Variants in EYS observed in about 807,000 individuals in gnomAD.
EYS encodes protein eyes shut homolog.
EYS carries 250 observed loss-of-function variants against 282.1 expected under a neutral mutation model. The observed-to-expected ratio is 0.89, with a 90% CI of 0.80 to 0.98. The LOEUF is 0.98. Among genes scored for constraint, EYS ranks in the 50% least tolerant of loss-of-function variants. The pLI, the probability that EYS is intolerant of heterozygous loss-of-function variation, is 0.00. For missense variants in EYS, 4,016 were observed against 3,709.0 expected (o/e 1.08, Z -2.15); for synonymous variants, 1,355 against 1,282.9 (o/e 1.06, Z -1.20).
At chr6:65,158,331 G>T (rs1038473008) in intron 12 of EYS, among the ~76,000 whole-genome samples, 2 of 150,778 alleles carry the variant, frequency 1.3e-5, no homozygotes, top group Non-Finnish European at 3.0e-5. Flanking sequence ...TAGTTGGACT[G>T]AACAATTATG....
intron 16 of EYS, among the ~76,000 whole-genome samples, chr6:64,908,196 G>C (rs775279156): frequency 7.9e-5 from 12 of 152,080 alleles, no homozygotes; most frequent in Non-Finnish European, 1.8e-4. Context: ...TCAAGCTTTT[G>C]GGGGAGAGAG....
chr6:65,452,187 G>A (rs1764427733), intron 5 of EYS, among the ~76,000 whole-genome samples: 2 of 151,652 alleles, frequency 1.3e-5, no homozygotes, highest in South Asian at 4.2e-4. Context: ...CAAATAACTA[G>A]GGTATAATAA....
chr6:64,357,750 A>G (rs191486486), intron 29 of EYS, among the ~76,000 whole-genome samples: 1 of 151,698 alleles, frequency 6.6e-6, no homozygotes, highest in Non-Finnish European at 1.5e-5. Context: ...ATGCCCCTGT[A>G]GTGTGAAGTA....
Position 64,897,429 on chromosome 6 carries a change from C to T in EYS, c.2846+4684G>A, listed in dbSNP as rs920431069. Among the ~76,000 whole-genome samples the T allele has an allele frequency of 3.9e-5, 6 of 152,034 alleles. No individual in the cohort carries two copies. In the South Asian group the frequency reaches 6.2e-4, roughly 16 times the overall value. ...TCAACATCAACAGAAAAGACGAACA[C>T]GTGAAAACTCCCTCCGAAGGTTACC... On this transcript the variant is annotated intron_variant, in intron 18 of 42. Transcript: ENST00000503581.
intron 22 of EYS, among the ~76,000 whole-genome samples, chr6:64,633,052 T>C (rs1356523413): frequency 1.3e-5 from 2 of 152,170 alleles, no homozygotes; most frequent in East Asian, 1.9e-4. Context: ...GTGTTGTTTA[T>C]ATTATGTATC....
In EYS at chr6:64,054,655, A is replaced by T. The variant is rs79972850; in HGVS notation, c.6725+11683T>A. ...GCATGGTTAAATATAAGGGCTCTAG[A>T]GTAAAATGGCCTAGGTAGTAACCCT... On this transcript the variant is annotated intron_variant, in intron 33 of 42. Coordinates refer to ENST00000503581, the MANE Select transcript of EYS (RefSeq NM_001142800.2). Among the ~76,000 whole-genome samples the T allele has an allele frequency of 1.0e-3, 156 of 152,286 alleles. 3 individuals are homozygous for T. The East Asian group carries it at 0.027, about 27-fold the overall frequency.
At chr6:64,691,019 A>G (rs1770362131) in intron 22 of EYS, among the ~76,000 whole-genome samples, 1 of 152,048 alleles carries the variant, frequency 6.6e-6, no homozygotes, top group African/African-American at 2.4e-5. Context: ...AAAGTCATGC[A>G]TATATAATAT....
chr6:64,587,136 G>A, intron 26 of EYS, among the ~76,000 whole-genome samples: 1 of 152,036 alleles, frequency 6.6e-6, no homozygotes, highest in East Asian at 1.9e-4. Context: ...GCTGATAGAG[G>A]TGGCTCCACG....
At chr6:65,082,399 C>T (rs1774252888) in intron 12 of EYS, among the ~76,000 whole-genome samples, 1 of 151,930 alleles carries the variant, frequency 6.6e-6, no homozygotes, top group South Asian at 2.1e-4. Flanking sequence ...GCTTATTACT[C>T]CTCTGTAATA....
At chr6:65,191,346 A>G (rs1471529662) in intron 12 of EYS, among the ~76,000 whole-genome samples, 1 of 151,848 alleles carries the variant, frequency 6.6e-6, no homozygotes, top group Non-Finnish European at 1.5e-5. Flanking sequence ...GACCTAATGA[A>G]TATTGGTTTT....
At chr6:65,333,064 A>G (rs866952275) in intron 11 of EYS, among the ~76,000 whole-genome samples, 3 of 151,060 alleles carry the variant, frequency 2.0e-5, no homozygotes, top group South Asian at 4.2e-4. Context: ...TCTATATTTT[A>G]TTTTATTAAT....
At chr6:65,095,217 T>C (rs767608116) in intron 12 of EYS, among the ~76,000 whole-genome samples, 5 of 151,192 alleles carry the variant, frequency 3.3e-5, no homozygotes, top group Non-Finnish European at 7.4e-5. Context: ...AAGCCAAACC[T>C]GCAGAAGTAA....
rs957459564 is a variant in EYS, at chr6:64,647,611, T to G, written c.3444-21366A>C. On this transcript the variant is annotated intron_variant, in intron 22 of 42. Coordinates refer to ENST00000503581, the MANE Select transcript of EYS (RefSeq NM_001142800.2). ...TTTGTGGCAAGATTATGGCTAATAT[T>G]TTTTATTTGTGCAATCCTTTAAAAA... 2.0e-5 allele frequency among the ~76,000 whole-genome samples: 3 copies of G among 152,212 alleles called. No individual in the cohort carries two copies. The East Asian group carries it at 5.8e-4, about 29-fold the overall frequency.
chr6:65,351,025 T>C (rs925408867), intron 9 of EYS, among the ~76,000 whole-genome samples: 5 of 151,762 alleles, frequency 3.3e-5, no homozygotes, highest in African/African-American at 1.2e-4. Flanking sequence ...AAGATCTTAA[T>C]GGCAATTATC....
At chr6:64,019,472 G>A (rs1349919686) in intron 33 of EYS, among the ~76,000 whole-genome samples, 2 of 151,508 alleles carry the variant, frequency 1.3e-5, no homozygotes, top group Non-Finnish European at 2.9e-5. Flanking sequence ...GTTGAGTGGC[G>A]TGATCTCAGC....
At chr6:64,725,799 C>T (rs549635678) in intron 22 of EYS, among the ~76,000 whole-genome samples, 1 of 151,924 alleles carries the variant, frequency 6.6e-6, no homozygotes, top group Admixed American at 6.6e-5. Context: ...TTTAATCAAC[C>T]TCTTCTGTTT....
chr6:64,855,756 A>G (rs1012912951), intron 19 of EYS, among the ~76,000 whole-genome samples: 18 of 152,116 alleles, frequency 1.2e-4, no homozygotes, highest in African/African-American at 4.3e-4. Context: ...ACTACTCTCA[A>G]AATCCCATGT....
intron 29 of EYS, among the ~76,000 whole-genome samples, chr6:64,319,033 G>A (rs1249949166): frequency 1.3e-5 from 2 of 150,594 alleles, no homozygotes; most frequent in Non-Finnish European, 3.0e-5. Flanking sequence ...ATATTTTTGT[G>A]CGTATTAACC....
intron 5 of EYS, among the ~76,000 whole-genome samples, chr6:65,440,923 A>G (rs936597736): frequency 6.8e-6 from 1 of 147,602 alleles, no homozygotes; most frequent in Non-Finnish European, 1.5e-5. Flanking sequence ...AACAGTATAT[A>G]TATAAAAAAC....
Sources: gnomAD v4.1 joint callset for allele counts (sites outside exome capture counted in the v4.1 genomes callset) on GRCh38, gnomAD v4.1.1 for gene constraint, MANE v1.5 for transcripts, NCBI Gene and HGNC (gene_info 2026-07-23, HGNC 2026-07-21) for gene names.